Variants in TPP2 observed in about 807,000 individuals in gnomAD.
The protein encoded by TPP2 is tripeptidyl-peptidase 2.
In TPP2, 34 loss-of-function variants were observed where a neutral mutation model predicts 155.9. The ratio of observed to expected loss-of-function variants is 0.22; its 90% CI spans 0.17 to 0.29. The LOEUF is 0.29. Among genes scored for constraint, TPP2 ranks in the 10% least tolerant of loss-of-function variants. The probability of loss-of-function intolerance (pLI) is 1.00; values close to 1 mark genes in which losing one functional copy is unlikely to be tolerated. For synonymous variants in TPP2, 510 were observed against 529.4 expected (o/e 0.96, Z 0.50); for missense variants, 1,028 against 1,522.3 (o/e 0.68, Z 5.40).
intron 28 of TPP2, 67 bp from the exon 29 acceptor site, chr13:102,676,229 G>A: frequency 1.5e-6 from 2 of 1,354,526 alleles, no homozygotes; most frequent in Non-Finnish European, 2.0e-6. Flanking sequence ...TTAATTTTAT[G>A]GTTAAAGCTA....
chr13:102,640,285 A>G lies in TPP2; in HGVS notation c.1929A>G (p.Ser643=). 6.2e-7 allele frequency: 1 copy of G among 1,600,134 alleles called. No individual in the cohort carries two copies. The highest frequency in any genetic ancestry group is 8.5e-7 in the Non-Finnish European group (1 of 1,171,532). ...AVIAAKVNES[S]HYDLAFTDVH... The stretch of plus-strand genomic sequence containing the variant: ...TAATTTTCAGAGTAAATGAATCATC[A>G]CATTATGATCTAGCCTTTACAGATG... The change falls in exon 16 of 30, where the codon TCA becomes TCG. Residue 643 remains serine, a synonymous_variant. Transcript: ENST00000376052.
intron 24 of TPP2, 128 bp from the exon 25 acceptor site, chr13:102,656,928 A>G: frequency 1.0e-6 from 1 of 971,114 alleles, no homozygotes; most frequent in Non-Finnish European, 1.5e-6. Context: ...TGTGACCCTT[A>G]GAATCTAGAA....
chr13:102,645,080 AG>A lies in TPP2; in HGVS notation c.2393+74del, dbSNP rs886523653. 9.1e-6 allele frequency: 13 copies of A among 1,426,908 alleles called. No homozygotes were observed. The Admixed American group carries it at 1.1e-4, about 12-fold the overall frequency. 88.4% of individuals were successfully genotyped at this position (1,426,908 alleles called of 1,614,324 possible). A position where few individuals can be genotyped will look rare whatever the true frequency, so the allele number is the denominator to read the frequency against. On this transcript the variant is annotated intron_variant, in intron 19 of 29. Coordinates refer to ENST00000376052, the MANE Select transcript of TPP2 (RefSeq NM_001330588.2). ...GGGGGATCTCTTACACTCTTAAAAA[AG>A]GGCCTTTTTTTTTTTTAATCCACCT... is the stretch of plus-strand genomic sequence containing the variant.
Position 102,663,712 on chromosome 13 carries a change from G to C in TPP2, c.3208G>C (p.Val1070Leu). ...ETYPNYLPLY[V>L]ARLHQLDAEK... is the part of the protein sequence containing the mutation. Reference sequence around the variant, plus strand: ...ATATCCTAATTATCTTCCTCTGTACGTTGCACGACTTCATCAATTGGATGC... The same window carrying C: ...ATATCCTAATTATCTTCCTCTGTACCTTGCACGACTTCATCAATTGGATGC... The change falls in exon 26 of 30, where the codon GTT (valine) becomes CTT (leucine). Residue 1070 changes from valine to leucine, a missense_variant. This residue lies in a region of TPP2 where 179 missense variants were observed against 274.7 expected (regional missense o/e 0.65). Transcript: ENST00000376052. 6.2e-7 allele frequency: 1 copy of C among 1,604,848 alleles called. No homozygotes were observed. Among genetic ancestry groups the C allele is most frequent in the Non-Finnish European group, 8.5e-7 (1 of 1,176,808 alleles).
At chr13:102,633,739 AAGG>A (rs1882180691) in intron 10 of TPP2, among the ~76,000 whole-genome samples, 1 of 152,212 alleles carries the variant, frequency 6.6e-6, no homozygotes, top group Non-Finnish European at 1.5e-5. Flanking sequence ...GTACACTTAC[AAGG>A]AAAAAATAAA....
At chr13:102,674,539 A>C in intron 28 of TPP2, 49 bp downstream of exon 28, 1 of 1,588,480 alleles carries the variant, frequency 6.3e-7, no homozygotes, top group East Asian at 2.2e-5. Flanking sequence ...GTTACCTCAC[A>C]GACCTCTCTT....
At chr13:102,629,717 T>A in intron 9 of TPP2, 108 bp downstream of exon 9, 1 of 1,381,610 alleles carries the variant, frequency 7.2e-7, no homozygotes, top group South Asian at 1.7e-5. Flanking sequence ...ACTGTACACC[T>A]TAAGTGTGTC....
chr13:102,627,630 GT>G lies in TPP2; in HGVS notation c.940-207del, dbSNP rs1299211856. Among the ~76,000 whole-genome samples, 75 of 111,308 alleles carry G rather than the reference GT, an allele frequency of 6.7e-4. 1 individual carries two copies. Among genetic ancestry groups the G allele is most frequent in the African/African-American group, 2.3e-3 (50 of 21,720 alleles). The allele number at this position is 111,308 out of a possible 152,430, so 73.0% of individuals were successfully genotyped here. On this transcript the variant is annotated intron_variant, in intron 7 of 29. Transcript: ENST00000376052. ...TCTTTTCTAGAAATGCTAGTTTTTT[GT>G]TTTTTTTTTTAATGACTACTTTTTT...
chr13:102,599,529 G>A (rs1304922610), intron 1 of TPP2, among the ~76,000 whole-genome samples: 2 of 152,160 alleles, frequency 1.3e-5, no homozygotes, highest in Non-Finnish European at 2.9e-5. Context: ...TTGGAAAGCC[G>A]GGTGGGGTCT....
intron 10 of TPP2, 24 bp downstream of exon 10, chr13:102,630,219 C>A (rs370014067): frequency 1.3e-5 from 20 of 1,558,130 alleles, no homozygotes; most frequent in Middle Eastern, 1.7e-4. Context: ...GAACGCGGAA[C>A]CATTACGTAT....
In TPP2 at chr13:102,637,134, A is replaced by C. The variant is rs770410168; in HGVS notation, c.1731A>C (p.Ser577=). The part of the protein sequence containing the change: ...LQLHLALTSN[S]SWVQCPSHLE... ...TTCATTTAGCTCTGACTTCAAATTC[A>C]TCTTGGGTTCAGTGTCCCAGCCATT... The change falls in exon 14 of 30, where the codon TCA becomes TCC. Residue 577 remains serine (S), a synonymous_variant. Coordinates refer to ENST00000376052, the MANE Select transcript of TPP2 (RefSeq NM_001330588.2). 13 of 1,612,516 alleles carry C rather than the reference A, an allele frequency of 8.1e-6. No homozygotes were observed. The East Asian group carries it at 2.2e-4, about 28-fold the overall frequency.
chr13:102,615,363 T>A (rs1423025493), intron 3 of TPP2, among the ~76,000 whole-genome samples: 1 of 152,144 alleles, frequency 6.6e-6, no homozygotes, highest in African/African-American at 2.4e-5. Flanking sequence ...TTGCCCAGGC[T>A]GGTCTCGAAC....
In TPP2 at chr13:102,597,119, C is replaced by T; in HGVS notation, c.81C>T (p.Leu27=). 9.3e-6 allele frequency: 15 copies of T among 1,611,352 alleles called. No homozygotes were observed. The highest frequency in any genetic ancestry group is 1.3e-5 in the Non-Finnish European group (15 of 1,179,292). Residue 27 remains leucine, a synonymous_variant, in exon 1 of 30, where the codon CTC becomes CTT. Coordinates refer to ENST00000376052, the MANE Select transcript of TPP2 (RefSeq NM_001330588.2). ...AGGAGACCGGAGCCGCCTCCTTCCT[C>T]TGCCGCTACCCGGAGTATGATGGGC... ...PKKETGAASF[L]CRYPEYDGRG...
At position 102,670,171 on chromosome 13, in the gene TPP2, T is replaced by G. The variant is rs957062411; in HGVS notation, c.3372-4112T>G. On this transcript the variant is annotated intron_variant, in intron 27 of 29. Transcript: ENST00000376052. ...GCATTAAAGAATTAGGTATTGTGGG[T>G]GGGGGGGTGTGGCGGTGAACCACTT... Among the ~76,000 whole-genome samples, 212 of 151,354 alleles carry G rather than the reference T, an allele frequency of 1.4e-3. 1 individual carries two copies. Among genetic ancestry groups the G allele is most frequent in the African/African-American group, 5.0e-3 (204 of 41,100 alleles).
At chr13:102,647,950 A>C (rs1883235494) in intron 21 of TPP2, among the ~76,000 whole-genome samples, 1 of 152,198 alleles carries the variant, frequency 6.6e-6, no homozygotes, top group Non-Finnish European at 1.5e-5. Flanking sequence ...TTGACAAATG[A>C]AAATAATTTA....
At chr13:102,648,429 CGTGTGTGTGTGTGTGTGTGTGTGTGT>C (rs56934655) in intron 21 of TPP2, among the ~76,000 whole-genome samples, 3 of 147,968 alleles carry the variant, frequency 2.0e-5, no homozygotes, top group African/African-American at 7.5e-5. Flanking sequence ...ATAAGTTACA[CGTGTGTGTGTGTGTGTGTGTGTGTGT>C]GTGTGTGTGT....
chr13:102,644,022 C>T (rs640271), intron 17 of TPP2, among the ~76,000 whole-genome samples: 75,417 of 152,028 alleles, frequency 0.5, 19,104 homozygotes, highest in African/African-American at 0.6. Context: ...TCACTGATTA[C>T]TAGAAAACTT....
At chr13:102,635,019 A>G (rs552978801) in intron 11 of TPP2, among the ~76,000 whole-genome samples, 1 of 152,310 alleles carries the variant, frequency 6.6e-6, no homozygotes, top group African/African-American at 2.4e-5. Context: ...GACAAGAATG[A>G]TACAGCACTC....
chr13:102,609,797 C>CG (rs1880138868), intron 2 of TPP2, among the ~76,000 whole-genome samples: 1 of 152,132 alleles, frequency 6.6e-6, no homozygotes, highest in African/African-American at 2.4e-5. Context: ...CCACCACATC[C>CG]CTCCCCTGAC....
Sources: gnomAD v4.1 joint callset for allele counts (sites outside exome capture counted in the v4.1 genomes callset) on GRCh38, gnomAD v4.1.1 for gene constraint, gnomAD v4.1.1 regional missense constraint, MANE v1.5 for transcripts, NCBI Gene and HGNC (gene_info 2026-07-23, HGNC 2026-07-21) for gene names.